The following RB1 variants were observed in gnomAD, a reference collection of about 807,000 sequenced individuals.
The protein encoded by RB1 is RB transcriptional corepressor 1.
In RB1, 18 loss-of-function variants were observed where a neutral mutation model predicts 135.4. That is an observed-to-expected ratio of 0.13 (90% CI 0.09 to 0.20). RB1 has a LOEUF of 0.20. RB1 is among the 10% of genes least tolerant of loss of function. The probability of loss-of-function intolerance (pLI) is 1.00; values close to 1 mark genes in which losing one functional copy is unlikely to be tolerated. For missense variants in RB1, 868 were observed against 1,110.0 expected (o/e 0.78, Z 3.10); for synonymous variants, 365 against 373.2 (o/e 0.98, Z 0.25).
intron 17 of RB1, among the ~76,000 whole-genome samples, chr13:48,416,909 A>AG (rs952276805): frequency 7.9e-5 from 12 of 152,206 alleles, no homozygotes; most frequent in Non-Finnish European, 1.8e-4. Context: ...AAAAGGCAGC[A>AG]GCCCCAGTCA....
At chr13:48,350,363 A>G (rs1017209367) in intron 6 of RB1, among the ~76,000 whole-genome samples, 1 of 152,186 alleles carries the variant, frequency 6.6e-6, no homozygotes, top group African/African-American at 2.4e-5. Context: ...GAAATTAATA[A>G]CAAGGTATTT....
intron 2 of RB1, among the ~76,000 whole-genome samples, chr13:48,321,168 C>G (rs1443504738): frequency 6.6e-6 from 1 of 152,138 alleles, no homozygotes; most frequent in Non-Finnish European, 1.5e-5. Flanking sequence ...CGTCCCGCAT[C>G]CGGGGGGAGG....
intron 2 of RB1, among the ~76,000 whole-genome samples, chr13:48,328,879 A>C (rs542991890): frequency 6.6e-6 from 1 of 152,338 alleles, no homozygotes; most frequent in East Asian, 1.9e-4. Context: ...TGCTTTAAAT[A>C]TCTCTCCATT....
At chr13:48,466,394 G>A (rs370357417) in intron 23 of RB1, among the ~76,000 whole-genome samples, 14,595 of 92,702 alleles carry the variant, frequency 0.16, 1,329 homozygotes, top group Non-Finnish European at 0.2. Context: ...CATCTACACC[G>A]AAAACCCATC....
intron 24 of RB1, 84 bp downstream of exon 24, chr13:48,473,474 A>C: frequency 8.1e-7 from 1 of 1,229,776 alleles, no homozygotes; most frequent in South Asian, 1.3e-5. Flanking sequence ...TGAATTTCCA[A>C]ATGCAGTTAT....
At chr13:48,399,357 A>G (rs1948673245) in intron 17 of RB1, among the ~76,000 whole-genome samples, 1 of 152,066 alleles carries the variant, frequency 6.6e-6, no homozygotes, top group Admixed American at 6.6e-5. Context: ...TAAATATTTT[A>G]TAGTGACATT....
chr13:48,354,597 A>G (rs1364959921), intron 6 of RB1, among the ~76,000 whole-genome samples: 2 of 152,158 alleles, frequency 1.3e-5, no homozygotes, highest in Non-Finnish European at 2.9e-5. Flanking sequence ...TCAAATTTAT[A>G]TGGAACTACA....
intron 17 of RB1, chr13:48,411,530 A>G: frequency 6.2e-7 from 1 of 1,613,420 alleles, no homozygotes; most frequent in East Asian, 2.2e-5. Context: ...TTGAATTCTG[A>G]ATTGTGTCCG....
At chr13:48,311,577 G>A (rs984690124) in intron 2 of RB1, among the ~76,000 whole-genome samples, 1 of 145,608 alleles carries the variant, frequency 6.9e-6, no homozygotes, top group African/African-American at 2.5e-5. Flanking sequence ...CATAGAAAAG[G>A]TACAGTAGAT....
chr13:48,362,720 C>T, intron 7 of RB1, 95 bp from the exon 8 acceptor site: 1 of 1,317,390 alleles, frequency 7.6e-7, no homozygotes, highest in Non-Finnish European at 1.1e-6. Context: ...TAGAATGTTA[C>T]CAAGATTATT....
chr13:48,382,006 C>T (rs547854260), intron 17 of RB1, among the ~76,000 whole-genome samples: 1 of 152,268 alleles, frequency 6.6e-6, no homozygotes, highest in African/African-American at 2.4e-5. Flanking sequence ...TCATCCATGT[C>T]CCTACAAAGG....
At chr13:48,308,695 A>G (rs17349061) in intron 2 of RB1, among the ~76,000 whole-genome samples, 12,400 of 152,114 alleles carry the variant, frequency 0.082, 1,372 homozygotes, top group African/African-American at 0.24. Context: ...AAATCTACGA[A>G]TAACTCATTT....
chr13:48,330,147 C>T (rs1952320393), intron 2 of RB1, among the ~76,000 whole-genome samples: 2 of 151,164 alleles, frequency 1.3e-5, no homozygotes, highest in Non-Finnish European at 3.0e-5. Flanking sequence ...ATGGAAACAG[C>T]ACATCAAGAT....
intron 2 of RB1, among the ~76,000 whole-genome samples, chr13:48,331,658 G>T (rs765572324): frequency 6.6e-6 from 1 of 152,144 alleles, no homozygotes; most frequent in African/African-American, 2.4e-5. Flanking sequence ...ATGTAAATTG[G>T]TATGTCTTTT....
chr13:48,445,892 TG>T (rs1566230465), intron 17 of RB1, among the ~76,000 whole-genome samples: 1 of 152,198 alleles, frequency 6.6e-6, no homozygotes, highest in Admixed American at 6.5e-5. Context: ...GTAAAAAACA[TG>T]GGGGAAAGGA....
At chr13:48,454,893 G>T (rs1351047324) in intron 18 of RB1, among the ~76,000 whole-genome samples, 1 of 152,212 alleles carries the variant, frequency 6.6e-6, no homozygotes, top group African/African-American at 2.4e-5. Flanking sequence ...TATTGGAAGA[G>T]GAGAATGGTG....
chr13:48,318,363 T>C (rs2138051397), intron 2 of RB1: 4 of 1,455,300 alleles, frequency 2.7e-6, no homozygotes, highest in Non-Finnish European at 3.7e-6. Flanking sequence ...CCTGCACCTC[T>C]TCTTGAGCTT....
chr13:48,403,793 G>C (rs994384633), intron 17 of RB1, among the ~76,000 whole-genome samples: 1 of 152,074 alleles, frequency 6.6e-6, no homozygotes, highest in Admixed American at 6.6e-5. Flanking sequence ...CACTTTGTGA[G>C]CAACATTTTA....
Position 48,380,238 on chromosome 13 carries a change from A to G in RB1, c.1495A>G (p.Ser499Gly), listed in dbSNP as rs1384871566. The G allele has an allele frequency of 6.3e-7, 1 of 1,590,304 alleles. No homozygotes were observed. Among genetic ancestry groups the G allele is most frequent in the East Asian group, 2.2e-5 (1 of 44,572 alleles). Residue 499 changes from serine (S) to glycine (G), a missense_variant, in exon 16 of 27, where the codon AGC (serine) becomes GGC (glycine). By Grantham distance (56) the Ser-to-Gly change is moderately conservative. This residue lies in a region of RB1 where 641 missense variants were observed against 791.3 expected (regional missense o/e 0.81). Transcript: ENST00000267163. Reference sequence around the variant, plus strand: ...TCTTGAGGTTGTAATGGCCACATATAGCAGTAAGTTAAATTTTCATAAATA... The same window carrying G: ...TCTTGAGGTTGTAATGGCCACATATGGCAGTAAGTTAAATTTTCATAAATA... ...CALEVVMATY[S>G]RSTSQNLDSG...
Sources: gnomAD v4.1 joint callset for allele counts (sites outside exome capture counted in the v4.1 genomes callset) on GRCh38, gnomAD v4.1.1 for gene constraint, gnomAD v4.1.1 regional missense constraint, MANE v1.5 for transcripts, NCBI Gene and HGNC (gene_info 2026-07-23, HGNC 2026-07-21) for gene names.